The following COL4A4 variants were observed in gnomAD, a reference collection of about 807,000 sequenced individuals.
The protein encoded by COL4A4 is collagen alpha-4(IV) chain.
In COL4A4, 105 loss-of-function variants were observed where a neutral mutation model predicts 192.9. The observed-to-expected ratio is 0.54, with a 90% CI of 0.46 to 0.64. The LOEUF (loss-of-function observed/expected upper bound fraction) is 0.64, where lower values mean the gene tolerates loss of function less well. Ranked by LOEUF, COL4A4 falls within the 30% of genes least tolerant of loss-of-function variation. The pLI is 0.00. For synonymous variants in COL4A4, 762 were observed against 769.9 expected, an observed-to-expected ratio of 0.99 and a Z score of 0.17; for missense variants, 1,967 against 2,169.3, an observed-to-expected ratio of 0.91 and a Z score of 1.85.
In COL4A4 at chr2:227,147,401, G is replaced by A; in HGVS notation, c.71+12C>T. 1.2e-6 allele frequency: 2 copies of A among 1,611,438 alleles called. No homozygotes were observed. The highest frequency in any genetic ancestry group is 1.7e-6 in the Non-Finnish European group (2 of 1,177,692). On this transcript the variant is annotated intron_variant, in intron 2 of 47. Transcript: ENST00000396625. Reference sequence around the variant, plus strand: ...CTAAATAAAAGCAGGCAATCACACTGAGGATACTCACCAGGGACCTGTGGC... The same window carrying A: ...CTAAATAAAAGCAGGCAATCACACTAAGGATACTCACCAGGGACCTGTGGC...
At position 227,018,202 on chromosome 2, in the gene COL4A4, C is replaced by T. The variant is rs141836637; in HGVS notation, c.4216+3846G>A. Among the ~76,000 whole-genome samples, 586 of 152,280 alleles carry T rather than the reference C, an allele frequency of 3.8e-3. 3 individuals carry two copies. Among genetic ancestry groups the T allele is most frequent in the Non-Finnish European group, 5.6e-3 (384 of 68,030 alleles). On this transcript the variant is annotated intron_variant, in intron 44 of 47. Coordinates refer to ENST00000396625, the MANE Select transcript of COL4A4 (RefSeq NM_000092.5). ...GTTCTCCACACTGGAATTAACCTCT[C>T]CCAGTACCCTTGACTTGCAACTCTT... is the stretch of plus-strand genomic sequence containing the variant.
Position 227,004,593 on chromosome 2 carries a change from G to A in COL4A4, c.*2732C>T, listed in dbSNP as rs1043998157. ...CTGGGAGATGCCTACTGCAAGGGTGGAGGTGGAAAACAAAGGCTGTGTGAG... is the reference window on the plus strand; with the variant it reads ...CTGGGAGATGCCTACTGCAAGGGTGAAGGTGGAAAACAAAGGCTGTGTGAG... On this transcript the variant is annotated 3_prime_UTR_variant, in exon 48 of 48. Coordinates refer to ENST00000396625, the MANE Select transcript of COL4A4 (RefSeq NM_000092.5). The A allele has an allele frequency of 5.9e-5, 9 of 152,268 alleles. No individual in the cohort carries two copies. Among genetic ancestry groups the A allele is most frequent in the Non-Finnish European group, 1.2e-4 (8 of 68,092 alleles). The allele number at this position is 152,268 out of a possible 1,614,324, so 9.4% of individuals were successfully genotyped here.
At chr2:227,079,117 C>T (rs146935922) in intron 24 of COL4A4, among the ~76,000 whole-genome samples, 6 of 152,206 alleles carry the variant, frequency 3.9e-5, no homozygotes, top group African/African-American at 1.4e-4. Flanking sequence ...TCTTGCACCC[C>T]ACCTGACTGA....
At chr2:227,121,328 G>A (rs147120777) in intron 4 of COL4A4, among the ~76,000 whole-genome samples, 180 bp from the exon 5 acceptor site, 212 of 152,210 alleles carry the variant, frequency 1.4e-3, no homozygotes, top group African/African-American at 3.9e-3. Flanking sequence ...TTGGGAGGCC[G>A]AGACAACGAG....
rs1210571453 is a variant in COL4A4 at position 227,140,203 on chromosome 2, T to C, written c.150A>G (p.Arg50=). The C allele has an allele frequency of 2.5e-6, 4 of 1,614,114 alleles. No individual in the cohort carries two copies. In the Admixed American group the frequency reaches 6.7e-5, roughly 27 times the overall value. ...GKKYIGPCGG[R]DCSVCHCVPE... is the part of the protein sequence containing the mutation. ...GAACACAGTGGCAAACAGAGCAATCTCTTCCTCCACAAGGACCAATGTATT... is the reference window on the plus strand; with the variant it reads ...GAACACAGTGGCAAACAGAGCAATCCCTTCCTCCACAAGGACCAATGTATT... Residue 50 remains arginine, a synonymous_variant, in exon 4 of 48, where the codon AGA becomes AGG. Transcript: ENST00000396625.
chr2:227,160,421 A>G (rs1294901290), intron 1 of COL4A4, among the ~76,000 whole-genome samples: 1 of 152,152 alleles, frequency 6.6e-6, no homozygotes, highest in East Asian at 1.9e-4. Context: ...CCTGTGTCAC[A>G]TCTAGGAGGA....
chr2:227,030,328 G>A (rs1968006229), intron 41 of COL4A4, 115 bp downstream of exon 41: 1 of 1,160,560 alleles, frequency 8.6e-7, no homozygotes, highest in Non-Finnish European at 1.3e-6. Flanking sequence ...AGGACATTTT[G>A]GAAGGTAGTC....
chr2:227,063,464 G>C (rs1399357589), intron 25 of COL4A4, among the ~76,000 whole-genome samples: 1 of 152,022 alleles, frequency 6.6e-6, no homozygotes, highest in Non-Finnish European at 1.5e-5. Context: ...CAAATACCAA[G>C]ATACTTGCTT....
intron 25 of COL4A4, among the ~76,000 whole-genome samples, chr2:227,070,179 A>T (rs1246396878): frequency 2.6e-5 from 4 of 152,156 alleles, no homozygotes; most frequent in East Asian, 1.9e-4. Context: ...ATACCATCTC[A>T]CACCAGTTAG....
intron 12 of COL4A4, among the ~76,000 whole-genome samples, chr2:227,106,817 C>T (rs897309562): frequency 2.0e-5 from 3 of 152,216 alleles, no homozygotes; most frequent in African/African-American, 7.2e-5. Context: ...CCACCCACCT[C>T]GGCCTCCCAA....
Position 227,007,047 on chromosome 2 carries a change from G to T in COL4A4, c.*278C>A. On this transcript the variant is annotated 3_prime_UTR_variant, in exon 48 of 48. Coordinates refer to ENST00000396625, the MANE Select transcript of COL4A4 (RefSeq NM_000092.5). ...CTTTATCATCTACTTGCCTTTCTGA[G>T]AATTAGCATATTTTTAAGTAAAGCC... 4.1e-6 allele frequency: 2 copies of T among 490,672 alleles called. No individual in the cohort carries two copies. The highest frequency in any genetic ancestry group is 7.5e-6 in the Non-Finnish European group (2 of 268,032). 30.4% of individuals were successfully genotyped at this position (490,672 alleles called of 1,614,324 possible).
chr2:227,015,379 TAA>T (rs1395793530), intron 44 of COL4A4, among the ~76,000 whole-genome samples: 1 of 152,088 alleles, frequency 6.6e-6, no homozygotes, highest in Non-Finnish European at 1.5e-5. Context: ...ATGTTAGAAA[TAA>T]AGACTCTCAG....
At chr2:227,153,518 G>A (rs529474589) in intron 1 of COL4A4, among the ~76,000 whole-genome samples, 3 of 152,262 alleles carry the variant, frequency 2.0e-5, no homozygotes, top group South Asian at 2.1e-4. Context: ...GGAAAGGCTC[G>A]AGATAAGCCA....
At chr2:227,009,717 A>G (rs1963157690) in intron 46 of COL4A4, among the ~76,000 whole-genome samples, 1 of 49,480 alleles carries the variant, frequency 2.0e-5, no homozygotes, top group African/African-American at 8.7e-5. Flanking sequence ...AAAAGAGGAA[A>G]AGAGAAGAGA....
rs184511887 is a variant in COL4A4 at position 227,025,865 on chromosome 2, A to G, written c.4082-55T>C. 1,794 of 1,565,264 alleles carry G rather than the reference A, an allele frequency of 1.1e-3. 21 individuals are homozygous for G. In the African/African-American group the frequency reaches 0.02, roughly 18 times the overall value. ...CCAGTCCATGATTTTCACAGGGTGGAAAGAGATTTTAAATTTGTGGATTAG... is the reference window on the plus strand; with the variant it reads ...CCAGTCCATGATTTTCACAGGGTGGGAAGAGATTTTAAATTTGTGGATTAG... On this transcript the variant is annotated intron_variant, in intron 42 of 47. Coordinates refer to ENST00000396625, the MANE Select transcript of COL4A4 (RefSeq NM_000092.5).
At position 227,030,591 on chromosome 2, in the gene COL4A4, A is replaced by C. The variant is rs926864001; in HGVS notation, c.3825T>G (p.Pro1275=). 2 of 1,605,638 alleles carry C rather than the reference A, an allele frequency of 1.2e-6. No individual in the cohort carries two copies. Among genetic ancestry groups the C allele is most frequent in the South Asian group, 2.2e-5 (2 of 90,136 alleles). Residue 1275 remains proline (P), a synonymous_variant, in exon 41 of 48, where the codon CCT becomes CCG. Coordinates refer to ENST00000396625, the MANE Select transcript of COL4A4 (RefSeq NM_000092.5). ...PPGPDGPRGA[P]GPPGLPGSVD... ...CACTCCCAGGGAGGCCTGGAGGCCC[A>C]GGTGCTCCTGACCACAGAGAAGAGA...
chr2:227,129,081 GACACA>G (rs1019660874), intron 4 of COL4A4, among the ~76,000 whole-genome samples: 2 of 152,016 alleles, frequency 1.3e-5, no homozygotes, highest in African/African-American at 4.8e-5. Context: ...TACAAATCTA[GACACA>G]ACACAACAGT....
At chr2:227,085,799 C>T (rs2059572373) in intron 22 of COL4A4, among the ~76,000 whole-genome samples, 1 of 152,182 alleles carries the variant, frequency 6.6e-6, no homozygotes, top group African/African-American at 2.4e-5. Context: ...CAGGCCCCAC[C>T]TCAAACACTG....
chr2:227,081,283 C>T (rs1399139007), intron 23 of COL4A4, among the ~76,000 whole-genome samples: 1 of 152,214 alleles, frequency 6.6e-6, no homozygotes, highest in African/African-American at 2.4e-5. Flanking sequence ...AATTAGCTGC[C>T]AGCACAGCTG....
Sources: gnomAD v4.1 joint callset for allele counts (sites outside exome capture counted in the v4.1 genomes callset) on GRCh38, gnomAD v4.1.1 for gene constraint, MANE v1.5 for transcripts, NCBI Gene and HGNC (gene_info 2026-07-23, HGNC 2026-07-21) for gene names.